TAFA2: variants seen among roughly 807,000 people sequenced by gnomAD.
TAFA2 encodes the protein TAFA chemokine like family member 2.
Under a neutral mutation model 18.8 loss-of-function variants are expected in TAFA2, and 7 were observed. That is an observed-to-expected ratio of 0.37 (90% CI 0.21 to 0.70). The LOEUF (loss-of-function observed/expected upper bound fraction) is 0.70, where lower values mean the gene tolerates loss of function less well. Among genes scored for constraint, TAFA2 ranks in the 30% least tolerant of loss-of-function variants. TAFA2 has a pLI of 0.53. For missense variants in TAFA2, 122 were observed against 158.1 expected, an observed-to-expected ratio of 0.77 and a Z score of 1.23; for synonymous variants, 60 against 54.2, an observed-to-expected ratio of 1.11 and a Z score of -0.47.
chr12:61,758,051 G>A (rs1011409069), intron 2 of TAFA2, among the ~76,000 whole-genome samples: 3 of 152,008 alleles, frequency 2.0e-5, no homozygotes, highest in African/African-American at 7.2e-5. Flanking sequence ...TGTATAAAGT[G>A]TTTAGGACAC....
At position 61,721,048 on chromosome 12, in the gene TAFA2, C is replaced by G. The variant is rs546271379; in HGVS notation, c.385-10631G>C. On this transcript the variant is annotated intron_variant, in intron 4 of 4. Transcript: ENST00000416284. ...AACAAGACAATAATGTCCTTTACCTCCAAAAAAGCTCACAGTGGGGATAGG... is the reference window on the plus strand; with the variant it reads ...AACAAGACAATAATGTCCTTTACCTGCAAAAAAGCTCACAGTGGGGATAGG... 4.9e-5 allele frequency: 21 copies of G among 425,474 alleles called. 1 individual carries two copies. The highest frequency in any genetic ancestry group is 3.6e-4 in the South Asian group (21 of 58,500). The allele number at this position is 425,474 out of a possible 1,614,324, so 26.4% of individuals were successfully genotyped here. A position where few individuals can be genotyped will look rare whatever the true frequency, so the allele number is the denominator to read the frequency against.
chr12:61,865,014 T>C (rs1384543469), intron 2 of TAFA2, among the ~76,000 whole-genome samples: 1 of 152,146 alleles, frequency 6.6e-6, no homozygotes. Context: ...AAGCCAAATG[T>C]CCCACATTGG....
chr12:61,784,392 T>C (rs1482947504), intron 2 of TAFA2, among the ~76,000 whole-genome samples: 2 of 151,470 alleles, frequency 1.3e-5, no homozygotes, highest in African/African-American at 4.8e-5. Context: ...CTCAAGAAGG[T>C]GTGAGGCATA....
At chr12:61,776,922 T>C (rs1407770706) in intron 2 of TAFA2, among the ~76,000 whole-genome samples, 1 of 151,862 alleles carries the variant, frequency 6.6e-6, no homozygotes, top group Non-Finnish European at 1.5e-5. Context: ...CATTTGGTCC[T>C]GGAGTGTGTT....
At position 61,708,373 on chromosome 12, in the gene TAFA2, T is replaced by C. The variant is rs939232722; in HGVS notation, c.*2033A>G. ...TATATTTGAAATTCCATGTTTTTTT[T>C]CTATTATATGCATGTATTACACTTG... On this transcript the variant is annotated 3_prime_UTR_variant, in exon 5 of 5. Coordinates refer to ENST00000416284, the MANE Select transcript of TAFA2 (RefSeq NM_178539.5). 6.6e-6 allele frequency: 1 copy of C among 152,116 alleles called. No individual in the cohort carries two copies. Among genetic ancestry groups the C allele is most frequent in the Non-Finnish European group, 1.5e-5 (1 of 67,990 alleles). The allele number at this position is 152,116 out of a possible 1,614,324, so 9.4% of individuals were successfully genotyped here.
chr12:61,878,152 G>A, intron 1 of TAFA2: 1 of 449,402 alleles, frequency 2.2e-6, no homozygotes, highest in African/African-American at 2.0e-5. Context: ...TGAAGGGAGG[G>A]AGAAATAGAG....
chr12:62,228,042 C>T lies in TAFA2; in HGVS notation c.-130+30721G>A, dbSNP rs573173941. On this transcript the variant is annotated intron_variant, in intron 1 of 5. Coordinates refer to the TAFA2 transcript ENST00000551619. The stretch of plus-strand genomic sequence containing the variant: ...AGTGTATATATTTACTTTGTATATA[C>T]ACATACACATGTATATATACACGTG... Among the ~76,000 whole-genome samples the T allele has an allele frequency of 8.8e-4, 134 of 152,212 alleles. 2 individuals carry two copies. The highest frequency in any genetic ancestry group is 3.0e-3 in the African/African-American group (125 of 41,536).
At chr12:62,116,424 G>A (rs1306691450) in intron 1 of TAFA2, among the ~76,000 whole-genome samples, 4 of 152,176 alleles carry the variant, frequency 2.6e-5, no homozygotes, top group Admixed American at 1.3e-4. Context: ...GTGTTCCATT[G>A]CCATTAAACT....
At chr12:61,733,528 G>T (rs1868256433) in intron 4 of TAFA2, among the ~76,000 whole-genome samples, 1 of 150,304 alleles carries the variant, frequency 6.7e-6, no homozygotes, top group African/African-American at 2.4e-5. Flanking sequence ...ATTAAATAGG[G>T]AATCCTTTCC....
At chr12:62,067,868 A>T (rs1882531096) in intron 1 of TAFA2, among the ~76,000 whole-genome samples, 1 of 152,078 alleles carries the variant, frequency 6.6e-6, no homozygotes, top group Admixed American at 6.5e-5. Context: ...CAGACTTCAC[A>T]ATTAGATTTG....
chr12:61,837,455 T>C (rs901703693), intron 2 of TAFA2, among the ~76,000 whole-genome samples: 3 of 152,058 alleles, frequency 2.0e-5, no homozygotes, highest in Non-Finnish European at 4.4e-5. Context: ...TTGGCAGTAT[T>C]TACATATGAC....
chr12:62,067,466 T>A (rs1455544101), intron 1 of TAFA2, among the ~76,000 whole-genome samples: 1 of 152,126 alleles, frequency 6.6e-6, no homozygotes, highest in East Asian at 1.9e-4. Context: ...TTTAAGTCTT[T>A]AATCCACTTT....
At chr12:61,885,491 C>G (rs1875334870) in intron 1 of TAFA2, among the ~76,000 whole-genome samples, 2 of 152,258 alleles carry the variant, frequency 1.3e-5, no homozygotes, top group South Asian at 4.1e-4. Context: ...CCACACTGTA[C>G]AAACATCAAA....
chr12:62,153,436 G>T (rs1022596812), intron 1 of TAFA2, among the ~76,000 whole-genome samples: 9 of 152,146 alleles, frequency 5.9e-5, no homozygotes, highest in Non-Finnish European at 1.3e-4. Context: ...ACAATGGTGG[G>T]AGGATCACTT....
intron 1 of TAFA2, among the ~76,000 whole-genome samples, chr12:62,111,439 G>A (rs953344496): frequency 2.6e-5 from 4 of 152,182 alleles, no homozygotes; most frequent in African/African-American, 9.7e-5. Context: ...AATACAATGT[G>A]GTGCTGAGAA....
chr12:61,782,341 T>C (rs767054946), intron 2 of TAFA2, among the ~76,000 whole-genome samples: 4 of 151,724 alleles, frequency 2.6e-5, no homozygotes, highest in African/African-American at 7.2e-5. Flanking sequence ...TCCTACATGA[T>C]AAAATCTTGG....
chr12:61,928,638 C>A (rs1877413359), intron 1 of TAFA2, among the ~76,000 whole-genome samples: 1 of 152,142 alleles, frequency 6.6e-6, no homozygotes, highest in Non-Finnish European at 1.5e-5. Flanking sequence ...CCAGAAATAC[C>A]ACTTGACCCA....
At chr12:62,083,320 C>T (rs1868351743) in intron 1 of TAFA2, among the ~76,000 whole-genome samples, 1 of 152,032 alleles carries the variant, frequency 6.6e-6, no homozygotes, top group South Asian at 2.1e-4. Flanking sequence ...ATGACAACTT[C>T]TTCCTTCTAT....
At chr12:62,152,116 T>G (rs1222702921) in intron 1 of TAFA2, among the ~76,000 whole-genome samples, 3 of 152,192 alleles carry the variant, frequency 2.0e-5, no homozygotes, top group Admixed American at 6.5e-5. Context: ...TACACTGCAG[T>G]CAACTCTATC....
Sources: gnomAD v4.1 joint callset for allele counts (sites outside exome capture counted in the v4.1 genomes callset) on GRCh38, gnomAD v4.1.1 for gene constraint, MANE v1.5 for transcripts, NCBI Gene and HGNC (gene_info 2026-07-23, HGNC 2026-07-21) for gene names.